SRSF10: variants seen among roughly 807,000 people sequenced by gnomAD.
The protein encoded by SRSF10 is serine/arginine-rich splicing factor 10.
In SRSF10, 9 loss-of-function variants were observed where a neutral mutation model predicts 32.6. The ratio of observed to expected loss-of-function variants is 0.28; its 90% confidence interval spans 0.17 to 0.48. The LOEUF (loss-of-function observed/expected upper bound fraction) is 0.48. Ranked by LOEUF, SRSF10 falls within the 20% of genes least tolerant of loss-of-function variation. The pLI is 0.99. For missense variants in SRSF10, 201 were observed against 331.8 expected (o/e 0.61, Z 3.06); for synonymous variants, 105 against 112.4 (o/e 0.93, Z 0.42).
At chr1:23,980,101 C>A in intron 1 of SRSF10, 90 bp downstream of exon 1, 1 of 1,370,284 alleles carries the variant, frequency 7.3e-7, no homozygotes, top group East Asian at 2.9e-5. Flanking sequence ...ACTCCGTCCC[C>A]TCCCCCGGCC....
chr1:23,970,926 C>T lies in SRSF10; in HGVS notation c.*216G>A. 1 of 1,254,330 alleles carries T rather than the reference C, an allele frequency of 8.0e-7. No homozygotes were observed. The highest frequency in any genetic ancestry group is 1.0e-6 in the Non-Finnish European group (1 of 1,000,164). 77.7% of individuals were successfully genotyped at this position (1,254,330 alleles called of 1,614,324 possible). A position where few individuals can be genotyped will look rare whatever the true frequency, so the allele number is the denominator to read the frequency against. ...TCTTTACAAAAATATACAGAGACAC[C>T]ACAAATTGGTAGCTGCCCATAACAT... On this transcript the variant is annotated 3_prime_UTR_variant, in exon 6 of 6. Transcript: ENST00000492112.
chr1:23,965,757 CTGT>C lies in SRSF10; in HGVS notation c.*5382_*5384del, dbSNP rs1404595918. On this transcript the variant is annotated 3_prime_UTR_variant, in exon 6 of 6. Transcript: ENST00000492112. ...ATTAAATATTTTAGAGAACTACCAA[CTGT>C]TGTTATTGTAGTTATATATGTATTT... 149 of 152,014 alleles carry C rather than the reference CTGT, an allele frequency of 9.8e-4. No individual in the cohort carries two copies. The highest frequency in any genetic ancestry group is 3.5e-3 in the African/African-American group (146 of 41,510). 9.4% of individuals were successfully genotyped at this position (152,014 alleles called of 1,614,324 possible).
In SRSF10 at chr1:23,978,386, A is replaced by G. The variant is rs113129302; in HGVS notation, c.170+327T>C. ...TTCAAATTAACAAACAAGAATACCA[A>G]ATTTTAATTGCTAAGCACAAGAACA... is the stretch of plus-strand genomic sequence containing the variant. On this transcript the variant is annotated intron_variant, in intron 2 of 5. Transcript: ENST00000492112. 7.5e-4 allele frequency: 628 copies of G among 841,018 alleles called. 4 individuals are homozygous for G. In the African/African-American group the frequency reaches 0.011, roughly 14 times the overall value. 52.1% of individuals were successfully genotyped at this position (841,018 alleles called of 1,614,324 possible). A position where few individuals can be genotyped will look rare whatever the true frequency, so the allele number is the denominator to read the frequency against.
rs1641624144 is a variant in SRSF10 at position 23,969,578 on chromosome 1, G to A, written c.*1564C>T. 1.0e-6 allele frequency: 1 copy of A among 984,996 alleles called. No individual in the cohort carries two copies. Among genetic ancestry groups the A allele is most frequent in the Admixed American group, 6.1e-5 (1 of 16,262 alleles). The allele number at this position is 984,996 out of a possible 1,614,324, so 61.0% of individuals were successfully genotyped here. A position where few individuals can be genotyped will look rare whatever the true frequency, so the allele number is the denominator to read the frequency against. ...ATTGAAAAAAGTAATCCTCTAAAAG[G>A]AATCGTTTGTCCATAATTCGTACTT... is the stretch of plus-strand genomic sequence containing the variant. On this transcript the variant is annotated 3_prime_UTR_variant, in exon 6 of 6. Coordinates refer to ENST00000492112, the MANE Select transcript of SRSF10 (RefSeq NM_054016.4).
rs1641687736 is a variant in SRSF10, at chr1:23,970,526, A to T, written c.*616T>A. On this transcript the variant is annotated 3_prime_UTR_variant, in exon 6 of 6. Coordinates refer to ENST00000492112, the MANE Select transcript of SRSF10 (RefSeq NM_054016.4). ...CAGGCATGTGCCACCATGCCCGGAT[A>T]ATTTTTGTATTTTTAGTAGAGACGG... 1.9e-6 allele frequency: 1 copy of T among 522,516 alleles called. No homozygotes were observed. The highest frequency in any genetic ancestry group is 2.5e-6 in the Non-Finnish European group (1 of 408,062). The allele number at this position is 522,516 out of a possible 1,614,324, so 32.4% of individuals were successfully genotyped here. A position where few individuals can be genotyped will look rare whatever the true frequency, so the allele number is the denominator to read the frequency against.
At chr1:23,973,956 T>C (rs1197016127) in intron 3 of SRSF10, among the ~76,000 whole-genome samples, 10 of 151,674 alleles carry the variant, frequency 6.6e-5, no homozygotes, top group African/African-American at 1.5e-4. Flanking sequence ...ATAGTTTGCA[T>C]TGAGTACTCA....
At position 23,970,697 on chromosome 1, in the gene SRSF10, G is replaced by A. The variant is rs908090901; in HGVS notation, c.*445C>T. On this transcript the variant is annotated 3_prime_UTR_variant, in exon 6 of 6. Transcript: ENST00000492112. ...TTGACAAGACATAAAGGTCCACCCT[G>A]AACCTAAATGTGTCTGAGCAGTCAG... 31 of 988,714 alleles carry A rather than the reference G, an allele frequency of 3.1e-5. No homozygotes were observed. Among genetic ancestry groups the A allele is most frequent in the Non-Finnish European group, 3.6e-5 (30 of 832,430 alleles). The allele number at this position is 988,714 out of a possible 1,614,324, so 61.2% of individuals were successfully genotyped here.
chr1:23,975,508 T>C (rs1188942393), intron 2 of SRSF10: 1 of 157,802 alleles, frequency 6.3e-6, no homozygotes, highest in Admixed American at 6.3e-5. Flanking sequence ...AAAAAGAAAA[T>C]GCCAATAGTT....
At position 23,965,845 on chromosome 1, in the gene SRSF10, T is replaced by A. The variant is rs1441261337; in HGVS notation, c.*5297A>T. ...ATGCACCTTAATTCTCCCCCTTAAATGTCTTAACTTCAAAAGGAAATGGAG... is the reference window on the plus strand; with the variant it reads ...ATGCACCTTAATTCTCCCCCTTAAAAGTCTTAACTTCAAAAGGAAATGGAG... On this transcript the variant is annotated 3_prime_UTR_variant, in exon 6 of 6. Coordinates refer to ENST00000492112, the MANE Select transcript of SRSF10 (RefSeq NM_054016.4). 2 of 151,914 alleles carry A rather than the reference T, an allele frequency of 1.3e-5. No homozygotes were observed. Among genetic ancestry groups the A allele is most frequent in the African/African-American group, 4.8e-5 (2 of 41,428 alleles). 9.4% of individuals were successfully genotyped at this position (151,914 alleles called of 1,614,324 possible). A position where few individuals can be genotyped will look rare whatever the true frequency, so the allele number is the denominator to read the frequency against.
At chr1:23,977,131 T>C (rs1216299477) in intron 2 of SRSF10, 4 of 152,252 alleles carry the variant, frequency 2.6e-5, no homozygotes, top group Non-Finnish European at 4.4e-5. Flanking sequence ...CTCACAACTG[T>C]CCTTGATCAC....
intron 2 of SRSF10, chr1:23,976,039 C>T (rs1156250432): frequency 6.6e-6 from 1 of 152,146 alleles, no homozygotes; most frequent in Non-Finnish European, 1.5e-5. Flanking sequence ...TTCCTAAAAC[C>T]ATCATTTTAA....
chr1:23,979,463 C>T (rs1570796923), intron 1 of SRSF10, among the ~76,000 whole-genome samples: 1 of 152,030 alleles, frequency 6.6e-6, no homozygotes, highest in Admixed American at 6.6e-5. Flanking sequence ...AGAACTCTTC[C>T]AAAATAATCT....
Position 23,970,146 on chromosome 1 carries a change from TTA to T in SRSF10, c.*994_*995del, listed in dbSNP as rs1641656959. 1.0e-6 allele frequency: 1 copy of T among 985,282 alleles called. No homozygotes were observed. Among genetic ancestry groups the T allele is most frequent in the Admixed American group, 6.1e-5 (1 of 16,264 alleles). 61.0% of individuals were successfully genotyped at this position (985,282 alleles called of 1,614,324 possible). On this transcript the variant is annotated 3_prime_UTR_variant, in exon 6 of 6. Transcript: ENST00000492112. ...TAAGAATATTCCTTTTTCCTTAAAA[TTA>T]TTTTTGCCATCAACGACCTGCTCAA... is the stretch of plus-strand genomic sequence containing the variant.
rs1020160280 is a variant in SRSF10 at position 23,968,253 on chromosome 1, T to C, written c.*2889A>G. On this transcript the variant is annotated 3_prime_UTR_variant, in exon 6 of 6. Coordinates refer to ENST00000492112, the MANE Select transcript of SRSF10 (RefSeq NM_054016.4). ...TAGGAACAACATATAAGATTCTCAA[T>C]AGTCCAAGTCTAAAAATAAGTTGAC... Among the ~76,000 whole-genome samples, 5 of 152,180 alleles carry C rather than the reference T, an allele frequency of 3.3e-5. No individual in the cohort carries two copies. The highest frequency in any genetic ancestry group is 2.1e-4 in the South Asian group (1 of 4,834).
chr1:23,971,519 G>C, intron 5 of SRSF10, 54 bp downstream of exon 5: 1 of 1,592,338 alleles, frequency 6.3e-7, no homozygotes, highest in East Asian at 2.2e-5. Context: ...TAGAGCAAAA[G>C]TTCACTCTGA....
intron 5 of SRSF10, 46 bp from the exon 6 acceptor site, chr1:23,971,485 T>C: frequency 6.3e-7 from 1 of 1,586,020 alleles, no homozygotes; most frequent in Non-Finnish European, 8.6e-7. Context: ...AATTAGATTC[T>C]ATATTAATCA....
In SRSF10 at chr1:23,971,095, T is replaced by C. The variant is rs1641728315; in HGVS notation, c.*47A>G. 8 of 1,534,406 alleles carry C rather than the reference T, an allele frequency of 5.2e-6. No individual in the cohort carries two copies. The East Asian group carries it at 9.1e-5, about 17-fold the overall frequency. ...CTGATAATTTAAGTAAACCAAACTA[T>C]GAGTAAATGAATGATACATGCCTAA... On this transcript the variant is annotated 3_prime_UTR_variant, in exon 6 of 6. Transcript: ENST00000492112.
At chr1:23,975,327 A>C in intron 2 of SRSF10, 2 of 419,362 alleles carry the variant, frequency 4.8e-6, no homozygotes, top group Non-Finnish European at 8.5e-6. Flanking sequence ...TTATTGAAAT[A>C]AGATCTGTTA....
rs1464104547 is a variant in SRSF10, at chr1:23,970,037, G to C, written c.*1105C>G. 1.0e-6 allele frequency: 1 copy of C among 985,266 alleles called. No homozygotes were observed. Among genetic ancestry groups the C allele is most frequent in the Non-Finnish European group, 1.2e-6 (1 of 829,928 alleles). The allele number at this position is 985,266 out of a possible 1,614,324, so 61.0% of individuals were successfully genotyped here. On this transcript the variant is annotated 3_prime_UTR_variant, in exon 6 of 6. Coordinates refer to ENST00000492112, the MANE Select transcript of SRSF10 (RefSeq NM_054016.4). ...GGCACACACACACAAAACCTACTTTGAAACAATTTACTTACTTAACAGCAG... is the reference window on the plus strand; with the variant it reads ...GGCACACACACACAAAACCTACTTTCAAACAATTTACTTACTTAACAGCAG...
Sources: allele counts gnomAD v4.1 joint callset (sites outside exome capture counted in the v4.1 genomes callset), GRCh38; gene constraint gnomAD v4.1.1; transcripts MANE v1.5; gene names NCBI Gene and HGNC (gene_info 2026-07-23, HGNC 2026-07-21).